Variants in SMAD9 observed in about 807,000 individuals in gnomAD.
SMAD9 encodes MAD homolog 9.
In SMAD9, 36 loss-of-function variants were observed where a neutral mutation model predicts 46.1. The observed-to-expected ratio is 0.78, with a 90% CI of 0.60 to 1.03. The LOEUF (loss-of-function observed/expected upper bound fraction) is 1.03. Ranked by LOEUF, SMAD9 falls within the 50% of genes least tolerant of loss-of-function variation. SMAD9 has a pLI of 0.00. For synonymous variants in SMAD9, 245 were observed against 237.1 expected (o/e 1.03, Z -0.31); for missense variants, 572 against 599.8 (o/e 0.95, Z 0.48).
rs1045023155 is a variant in SMAD9 at position 36,881,115 on chromosome 13, C to A, written c.-186-1240G>T. On this transcript the variant is annotated intron_variant, in intron 1 of 6. Transcript: ENST00000379826. Reference sequence around the variant, plus strand: ...CTAAAATCAGCTTAATTCTTCTTTGCCCTGTCATCCACAGGAGATGTTCTT... The same window carrying A: ...CTAAAATCAGCTTAATTCTTCTTTGACCTGTCATCCACAGGAGATGTTCTT... Among the ~76,000 whole-genome samples the A allele has an allele frequency of 8.5e-5, 13 of 152,210 alleles. 1 individual carries two copies. Among genetic ancestry groups the A allele is most frequent in the Admixed American group, 7.9e-4 (12 of 15,276 alleles).
intron 1 of SMAD9, among the ~76,000 whole-genome samples, chr13:36,894,822 CTCAT>C (rs2058515480): frequency 6.6e-6 from 1 of 152,182 alleles, no homozygotes; most frequent in African/African-American, 2.4e-5. Context: ...CAAGTGACAT[CTCAT>C]TGAGAAATGC....
intron 6 of SMAD9, chr13:36,851,670 C>T: frequency 1.1e-6 from 1 of 883,984 alleles, no homozygotes. Context: ...CTGAAAGAAA[C>T]CTTAAAGAGA....
At chr13:36,851,410 C>G (rs935388266) in intron 6 of SMAD9, among the ~76,000 whole-genome samples, 5 of 152,216 alleles carry the variant, frequency 3.3e-5, no homozygotes, top group Non-Finnish European at 7.3e-5. Flanking sequence ...GGCCCACCCT[C>G]ATGTGCAGAT....
chr13:36,873,829 C>G (rs527991146), intron 2 of SMAD9, among the ~76,000 whole-genome samples: 2 of 152,302 alleles, frequency 1.3e-5, no homozygotes, highest in Admixed American at 6.5e-5. Context: ...TACCATTGCA[C>G]TCCAGCCTGG....
intron 5 of SMAD9, among the ~76,000 whole-genome samples, chr13:36,864,411 G>T (rs959570099): frequency 6.6e-6 from 1 of 152,128 alleles, no homozygotes; most frequent in African/African-American, 2.4e-5. Context: ...AGGAGGTCAG[G>T]CATTCTCTCA....
chr13:36,920,524 C>T (rs779975741), upstream of SMAD9: 1 of 152,268 alleles, frequency 6.6e-6, no homozygotes, highest in Non-Finnish European at 1.5e-5. Flanking sequence ...CTCTCGGTCC[C>T]CCTGCGCGAC....
At chr13:36,851,334 C>T (rs1189558355) in intron 6 of SMAD9, among the ~76,000 whole-genome samples, 2 of 152,256 alleles carry the variant, frequency 1.3e-5, no homozygotes, top group African/African-American at 4.8e-5. Context: ...GCTCTTCCTC[C>T]AGGGGTCCCT....
chr13:36,857,150 G>T (rs2058134667), intron 5 of SMAD9, among the ~76,000 whole-genome samples: 1 of 151,984 alleles, frequency 6.6e-6, no homozygotes, highest in African/African-American at 2.4e-5. Context: ...AACATGTGCA[G>T]ATTTTACTGC....
rs886050148 is a variant in SMAD9, at chr13:36,845,085, AT to A, written c.*3590del. On this transcript the variant is annotated 3_prime_UTR_variant, in exon 7 of 7. Coordinates refer to ENST00000379826, the MANE Select transcript of SMAD9 (RefSeq NM_001127217.3). ...TGAAATGCATGTTATATTTTGCTTT[AT>A]TTGTTGAATATATATGTGTGTGTGT... 3 of 146,354 alleles carry A rather than the reference AT, an allele frequency of 2.0e-5. No homozygotes were observed. Among genetic ancestry groups the A allele is most frequent in the Non-Finnish European group, 3.0e-5 (2 of 67,278 alleles). 9.1% of individuals were successfully genotyped at this position (146,354 alleles called of 1,614,324 possible).
intron 6 of SMAD9, chr13:36,849,377 T>C (rs2058056923): frequency 6.5e-6 from 1 of 154,068 alleles, no homozygotes; most frequent in Non-Finnish European, 1.4e-5. Flanking sequence ...CATATTTTTC[T>C]CTATATGTTA....
chr13:36,885,514 C>T (rs1341163557), intron 1 of SMAD9, among the ~76,000 whole-genome samples: 3 of 152,114 alleles, frequency 2.0e-5, no homozygotes, highest in Non-Finnish European at 4.4e-5. Context: ...TATGCATATA[C>T]CCGTTTAGTA....
At chr13:36,884,111 C>A (rs2058425961) in intron 1 of SMAD9, among the ~76,000 whole-genome samples, 1 of 152,176 alleles carries the variant, frequency 6.6e-6, no homozygotes, top group Non-Finnish European at 1.5e-5. Context: ...CACTTCACAG[C>A]ACAGAGCAGG....
At chr13:36,889,198 A>G (rs2058471137) in intron 1 of SMAD9, among the ~76,000 whole-genome samples, 1 of 152,236 alleles carries the variant, frequency 6.6e-6, no homozygotes, top group Non-Finnish European at 1.5e-5. Context: ...TTGAAGCAGT[A>G]TAATATGATT....
chr13:36,873,627 C>T (rs2058317562), intron 2 of SMAD9, among the ~76,000 whole-genome samples: 1 of 152,174 alleles, frequency 6.6e-6, no homozygotes, highest in Non-Finnish European at 1.5e-5. Context: ...CTTTGAGAGG[C>T]CGAGGCAGCC....
intron 1 of SMAD9, among the ~76,000 whole-genome samples, chr13:36,895,696 C>T (rs868067067): frequency 6.6e-6 from 1 of 152,088 alleles, no homozygotes; most frequent in Non-Finnish European, 1.5e-5. Context: ...AGAGAAATTG[C>T]TTTGCTAATG....
rs1025733049 is a variant in SMAD9 at position 36,909,902 on chromosome 13, A to T, written c.-187+10214T>A. Among the ~76,000 whole-genome samples, 3 of 152,308 alleles carry T rather than the reference A, an allele frequency of 2.0e-5. No homozygotes were observed. The East Asian group carries it at 5.8e-4, about 29-fold the overall frequency. ...TGTGGGAGTTAAGAGGTGCCCCAAA[A>T]ATTAAAAACAACCGGCTGGGCGCAG... is the stretch of plus-strand genomic sequence containing the variant. On this transcript the variant is annotated intron_variant, in intron 1 of 6. Transcript: ENST00000379826.
chr13:36,874,752 G>T (rs866096319), intron 2 of SMAD9, among the ~76,000 whole-genome samples: 14 of 151,258 alleles, frequency 9.3e-5, no homozygotes, highest in African/African-American at 2.2e-4. Context: ...AGCTACTTGG[G>T]GGGGCTGAGG....
intron 1 of SMAD9, among the ~76,000 whole-genome samples, chr13:36,905,164 C>G (rs1024339807): frequency 6.6e-6 from 1 of 152,114 alleles, no homozygotes. Flanking sequence ...TGTTAAACAT[C>G]CTACAAGTTG....
At chr13:36,871,209 C>A (rs982501242) in intron 3 of SMAD9, among the ~76,000 whole-genome samples, 1 of 152,178 alleles carries the variant, frequency 6.6e-6, no homozygotes, top group Non-Finnish European at 1.5e-5. Context: ...GTCTGGAGCT[C>A]CATGTCCATG....
Sources: gnomAD v4.1 joint callset for allele counts (sites outside exome capture counted in the v4.1 genomes callset) on GRCh38, gnomAD v4.1.1 for gene constraint, MANE v1.5 for transcripts, NCBI Gene and HGNC (gene_info 2026-07-23, HGNC 2026-07-21) for gene names.